PLAUR: variants seen among roughly 807,000 people sequenced by gnomAD.
The protein encoded by PLAUR is urokinase plasminogen activator surface receptor.
A neutral mutation model predicts 33.4 loss-of-function variants in PLAUR; 22 were observed. The ratio of observed to expected loss-of-function variants is 0.66; its 90% confidence interval spans 0.47 to 0.94. PLAUR has a LOEUF of 0.94. Among genes scored for constraint, PLAUR ranks in the 40% least tolerant of loss-of-function variants. The pLI is 0.00. For synonymous variants in PLAUR, 148 were observed against 167.3 expected, an observed-to-expected ratio of 0.88 and a Z score of 0.89; for missense variants, 408 against 434.7, an observed-to-expected ratio of 0.94 and a Z score of 0.55.
intron 1 of PLAUR, among the ~76,000 whole-genome samples, chr19:43,669,140 T>C (rs1226793831): frequency 6.6e-6 from 1 of 152,224 alleles, no homozygotes; most frequent in Admixed American, 6.5e-5. Flanking sequence ...ACTCAGTTCC[T>C]TCTCGAATTC....
chr19:43,658,625 C>T (rs1298668099), intron 3 of PLAUR, among the ~76,000 whole-genome samples: 1 of 152,160 alleles, frequency 6.6e-6, no homozygotes, highest in East Asian at 1.9e-4. Context: ...ATTCCTCTAC[C>T]CAGCCCTTGG....
chr19:43,659,363 G>T (rs1359408664), intron 3 of PLAUR, among the ~76,000 whole-genome samples: 2 of 151,842 alleles, frequency 1.3e-5, no homozygotes, highest in African/African-American at 4.8e-5. Context: ...ATGTTACCCA[G>T]GCTAGTCTCG....
downstream of PLAUR, among the ~76,000 whole-genome samples, chr19:43,647,788 A>G (rs1973847679): frequency 6.6e-6 from 1 of 151,952 alleles, no homozygotes; most frequent in African/African-American, 2.4e-5. Flanking sequence ...CTGGGCAACA[A>G]GAGTGAAACT....
intron 3 of PLAUR, among the ~76,000 whole-genome samples, chr19:43,657,082 T>G (rs1330928729): frequency 6.6e-6 from 1 of 151,970 alleles, no homozygotes; most frequent in African/African-American, 2.4e-5. Flanking sequence ...TAGCTGGGAC[T>G]ACAGGCGTGC....
At chr19:43,650,209 C>T (rs374525998) in intron 6 of PLAUR, among the ~76,000 whole-genome samples, 22 of 151,594 alleles carry the variant, frequency 1.5e-4, no homozygotes, top group African/African-American at 5.1e-4. Context: ...CGGGGTTTCA[C>T]CATATTGGCC....
At chr19:43,649,213 C>A (rs1973890867) in intron 6 of PLAUR, 70 bp from the exon 7 acceptor site, 5 of 1,553,056 alleles carry the variant, frequency 3.2e-6, no homozygotes, top group South Asian at 2.3e-5. Flanking sequence ...CAGTAGGTGA[C>A]CTGCCACCTT....
chr19:43,669,891 A>G (rs1967450369), intron 1 of PLAUR, among the ~76,000 whole-genome samples, 175 bp downstream of exon 1: 1 of 151,512 alleles, frequency 6.6e-6, no homozygotes, highest in African/African-American at 2.4e-5. Context: ...TTCCTTAGCT[A>G]CTGAGTGCCA....
At chr19:43,656,897 A>AC in intron 3 of PLAUR, 1 of 280,106 alleles carries the variant, frequency 3.6e-6, no homozygotes, top group Non-Finnish European at 6.4e-6. Flanking sequence ...CCCCCTACTC[A>AC]CCCCAGTGCA....
At chr19:43,652,738 C>A (rs1052017148) in intron 5 of PLAUR, among the ~76,000 whole-genome samples, 2 of 152,134 alleles carry the variant, frequency 1.3e-5, no homozygotes, top group Non-Finnish European at 1.5e-5. Flanking sequence ...GCAGCCTCGA[C>A]CACCCCGGCT....
chr19:43,653,994 G>T (rs1974102689), intron 5 of PLAUR, among the ~76,000 whole-genome samples: 1 of 151,722 alleles, frequency 6.6e-6, no homozygotes, highest in South Asian at 2.1e-4. Flanking sequence ...CATGGTGGTG[G>T]GTGCCTGTAG....
rs761857447 is a variant in PLAUR at position 43,652,205 on chromosome 19, AGCCTCGGAGAGG to A, written c.754+8_754+19del. 11 of 1,613,346 alleles carry A rather than the reference AGCCTCGGAGAGG, an allele frequency of 6.8e-6. No homozygotes were observed. The Admixed American group carries it at 1.8e-4, about 27-fold the overall frequency. ...CCACCCCCAATAAGTGTTCCCTCCC[AGCCTCGGAGAGG>A]GCCTCACCGTGAGTGCCGGTGGCTA... On this transcript the variant is annotated splice_region_variant and intron_variant, in intron 6 of 6. Transcript: ENST00000340093.
At position 43,655,449 on chromosome 19, in the gene PLAUR, G is replaced by C. The variant is rs762733968; in HGVS notation, c.597C>G (p.Asn199Lys). The C allele has an allele frequency of 6.2e-7, 1 of 1,614,082 alleles. No individual in the cohort carries two copies. Among genetic ancestry groups the C allele is most frequent in the South Asian group, 1.1e-5 (1 of 91,080 alleles). Residue 199 changes from asparagine (N) to lysine (K), a missense_variant, in exon 5 of 7, where the codon AAC (asparagine) becomes AAG (lysine). Coordinates refer to ENST00000340093, the MANE Select transcript of PLAUR (RefSeq NM_002659.4). ...FLKCCNTTKC[N>K]EGPILELENL... ...TCTCCCGTTCCTTACTTGGGCCCTC[G>C]TTGCATTTGGTGGTGTTGCAGCATT...
intron 1 of PLAUR, 87 bp from the exon 2 acceptor site, chr19:43,667,778 C>A (rs768901702): frequency 6.5e-7 from 1 of 1,535,524 alleles, no homozygotes; most frequent in African/African-American, 1.4e-5. Flanking sequence ...AATACCAACA[C>A]CAAGTCTCCA....
intron 1 of PLAUR, chr19:43,667,939 C>T: frequency 1.5e-6 from 2 of 1,353,048 alleles, no homozygotes; most frequent in South Asian, 1.6e-5. Context: ...TGCCTTGGCC[C>T]GTTTTTCCTT....
chr19:43,652,125 A>T, intron 6 of PLAUR, 100 bp downstream of exon 6: 1 of 1,557,096 alleles, frequency 6.4e-7, no homozygotes, highest in East Asian at 2.3e-5. Context: ...TTCCACAGGG[A>T]GACCCACCAC....
intron 2 of PLAUR, among the ~76,000 whole-genome samples, chr19:43,665,846 T>C (rs575539821): frequency 6.7e-6 from 1 of 149,330 alleles, no homozygotes; most frequent in South Asian, 2.2e-4. Context: ...AAATTTTTTA[T>C]ACAGATGGCA....
intron 6 of PLAUR, among the ~76,000 whole-genome samples, chr19:43,650,546 A>T (rs1398403886): frequency 1.3e-5 from 2 of 150,600 alleles, no homozygotes; most frequent in East Asian, 4.0e-4. Flanking sequence ...GGCTGGTCTC[A>T]AATCCCTAGG....
chr19:43,646,597 G>T, downstream of PLAUR: 2 of 712,240 alleles, frequency 2.8e-6, no homozygotes, highest in Non-Finnish European at 5.2e-6. Context: ...CTTGGTTCCA[G>T]AACATAGCAC....
chr19:43,652,109 C>T, intron 6 of PLAUR, 116 bp downstream of exon 6: 1 of 1,530,450 alleles, frequency 6.5e-7, no homozygotes, highest in Non-Finnish European at 8.8e-7. Context: ...AAGGAAATCC[C>T]ACCTTTTCCA....
Sources: allele counts gnomAD v4.1 joint callset (sites outside exome capture counted in the v4.1 genomes callset), GRCh38; gene constraint gnomAD v4.1.1; transcripts MANE v1.5; gene names NCBI Gene and HGNC (gene_info 2026-07-23, HGNC 2026-07-21).